Variants in CAMK1D observed in about 807,000 individuals in gnomAD.
CAMK1D encodes the protein calcium/calmodulin dependent protein kinase ID.
A neutral mutation model predicts 47.7 loss-of-function variants in CAMK1D; 9 were observed. The observed-to-expected ratio is 0.19, with a 90% CI of 0.11 to 0.33. The LOEUF is 0.33. Ranked by LOEUF, CAMK1D falls within the 10% of genes least tolerant of loss-of-function variation. The pLI, the probability that CAMK1D is intolerant of heterozygous loss-of-function variation, is 1.00. For synonymous variants in CAMK1D, 184 were observed against 184.9 expected, an observed-to-expected ratio of 0.99 and a Z score of 0.04; for missense variants, 291 against 488.7, an observed-to-expected ratio of 0.60 and a Z score of 3.81.
intron 3 of CAMK1D, among the ~76,000 whole-genome samples, chr10:12,705,617 G>T (rs968374148): frequency 1.4e-4 from 21 of 152,292 alleles, no homozygotes; most frequent in African/African-American, 4.8e-4. Context: ...GTCCTCGATT[G>T]TGAGTATGGC....
chr10:12,372,869 G>T (rs1338708482), intron 1 of CAMK1D, among the ~76,000 whole-genome samples: 1 of 152,172 alleles, frequency 6.6e-6, no homozygotes, highest in South Asian at 2.1e-4. Flanking sequence ...GGGCTCAAGC[G>T]ATTCCCCTGC....
At chr10:12,742,013 G>C (rs921256000) in intron 3 of CAMK1D, among the ~76,000 whole-genome samples, 4 of 152,174 alleles carry the variant, frequency 2.6e-5, no homozygotes, top group African/African-American at 9.6e-5. Context: ...CTGAAGGGGA[G>C]AGCAAGGCCA....
At chr10:12,661,259 A>G (rs10906197) in intron 2 of CAMK1D, among the ~76,000 whole-genome samples, 123,536 of 152,208 alleles carry the variant, frequency 0.81, 51,281 homozygotes, top group Non-Finnish European at 0.9. Flanking sequence ...GACTTTAGAT[A>G]TTCTAATTTT....
intron 3 of CAMK1D, among the ~76,000 whole-genome samples, chr10:12,680,711 G>T (rs904689408): frequency 6.6e-6 from 1 of 151,970 alleles, no homozygotes; most frequent in South Asian, 2.1e-4. Flanking sequence ...TCTGGTTCTG[G>T]GTTTGAAGGA....
intron 3 of CAMK1D, among the ~76,000 whole-genome samples, chr10:12,682,793 C>T (rs149011713): frequency 5.9e-5 from 9 of 152,192 alleles, no homozygotes; most frequent in African/African-American, 2.2e-4. Flanking sequence ...TTGGCCAAAA[C>T]TAACTATTCT....
At chr10:12,546,888 A>G (rs963856232) in intron 1 of CAMK1D, among the ~76,000 whole-genome samples, 1 of 152,094 alleles carries the variant, frequency 6.6e-6, no homozygotes, top group Admixed American at 6.5e-5. Flanking sequence ...CAGCACACCA[A>G]CATGGCACAT....
At chr10:12,623,907 C>A (rs898925840) in intron 2 of CAMK1D, among the ~76,000 whole-genome samples, 2 of 151,910 alleles carry the variant, frequency 1.3e-5, no homozygotes, top group Admixed American at 6.6e-5. Flanking sequence ...GGTGAAACCC[C>A]GTCTCTACTA....
chr10:12,530,120 G>A (rs576561903), intron 1 of CAMK1D, among the ~76,000 whole-genome samples: 1 of 152,318 alleles, frequency 6.6e-6, no homozygotes, highest in East Asian at 1.9e-4. Context: ...CTGTGTAAGG[G>A]GAAGCTACAG....
At chr10:12,464,966 C>G (rs985532441) in intron 1 of CAMK1D, among the ~76,000 whole-genome samples, 11 of 152,198 alleles carry the variant, frequency 7.2e-5, no homozygotes, top group African/African-American at 2.7e-4. Flanking sequence ...CTGAGACGTT[C>G]TGGATATTGG....
intron 3 of CAMK1D, among the ~76,000 whole-genome samples, chr10:12,756,273 A>G (rs1177498401): frequency 5.3e-5 from 8 of 152,232 alleles, no homozygotes; most frequent in Non-Finnish European, 2.9e-5. Flanking sequence ...ATTAGCAGTA[A>G]ATTGTAAGAT....
At chr10:12,644,916 G>A (rs1280105533) in intron 2 of CAMK1D, among the ~76,000 whole-genome samples, 3 of 152,042 alleles carry the variant, frequency 2.0e-5, no homozygotes, top group African/African-American at 4.8e-5. Flanking sequence ...GAAATTTCAT[G>A]TTAGGAATAG....
At chr10:12,596,819 C>T (rs908165921) in intron 2 of CAMK1D, among the ~76,000 whole-genome samples, 1 of 152,134 alleles carries the variant, frequency 6.6e-6, no homozygotes, top group South Asian at 2.1e-4. Flanking sequence ...CCCCCTTTCC[C>T]ACCCACATTT....
At chr10:12,450,441 C>T (rs547230485) in intron 1 of CAMK1D, among the ~76,000 whole-genome samples, 1 of 152,198 alleles carries the variant, frequency 6.6e-6, no homozygotes, top group East Asian at 1.9e-4. Context: ...ATTTCTTGTT[C>T]TTAAAGAAGG....
At chr10:12,677,327 T>C (rs1480552967) in intron 3 of CAMK1D, among the ~76,000 whole-genome samples, 1 of 152,182 alleles carries the variant, frequency 6.6e-6, no homozygotes, top group Non-Finnish European at 1.5e-5. Context: ...TATGACACCT[T>C]AATATATTTA....
At chr10:12,773,086 A>G (rs376972195) in intron 5 of CAMK1D, among the ~76,000 whole-genome samples, 1 of 152,132 alleles carries the variant, frequency 6.6e-6, no homozygotes, top group South Asian at 2.1e-4. Flanking sequence ...TTTCCTTGTC[A>G]TGGTGTGATC....
intron 3 of CAMK1D, among the ~76,000 whole-genome samples, chr10:12,718,164 C>G (rs1379043865): frequency 6.6e-6 from 1 of 152,118 alleles, no homozygotes. Flanking sequence ...TTTCAGCAAG[C>G]CGTTGACTCA....
chr10:12,594,171 T>A (rs1225390328), intron 2 of CAMK1D, among the ~76,000 whole-genome samples: 1 of 152,152 alleles, frequency 6.6e-6, no homozygotes, highest in Non-Finnish European at 1.5e-5. Flanking sequence ...GGAGTGAAGT[T>A]CTGTCATTAT....
At chr10:12,719,907 C>G (rs890188284) in intron 3 of CAMK1D, among the ~76,000 whole-genome samples, 1 of 152,214 alleles carries the variant, frequency 6.6e-6, no homozygotes, top group Non-Finnish European at 1.5e-5. Flanking sequence ...TGCGAGCAAT[C>G]CAGCTCGAGT....
intron 1 of CAMK1D, among the ~76,000 whole-genome samples, chr10:12,377,551 T>C (rs148841979): frequency 2.0e-5 from 3 of 152,328 alleles, no homozygotes; most frequent in African/African-American, 7.2e-5. Flanking sequence ...ATTTTTCTTT[T>C]CTTGTTACAA....
Sources: gnomAD v4.1 joint callset for allele counts (sites outside exome capture counted in the v4.1 genomes callset) on GRCh38, gnomAD v4.1.1 for gene constraint, MANE v1.5 for transcripts, NCBI Gene and HGNC (gene_info 2026-07-23, HGNC 2026-07-21) for gene names.